FANCC: variants seen among roughly 807,000 people sequenced by gnomAD.
FANCC encodes the protein Fanconi anemia group C protein.
Under a neutral mutation model 71.3 loss-of-function variants are expected in FANCC, and 55 were observed. The observed-to-expected ratio is 0.77, with a 90% confidence interval of 0.62 to 0.97. FANCC has a LOEUF of 0.97. Among genes scored for constraint, FANCC ranks in the 50% least tolerant of loss-of-function variants. FANCC has a pLI of 0.00. For missense variants in FANCC, 678 were observed against 670.9 expected, an observed-to-expected ratio of 1.01 and a Z score of -0.12; for synonymous variants, 275 against 244.9, an observed-to-expected ratio of 1.12 and a Z score of -1.15.
At chr9:95,242,101 A>G (rs1830665124) in intron 3 of FANCC, among the ~76,000 whole-genome samples, 1 of 152,212 alleles carries the variant, frequency 6.6e-6, no homozygotes, top group Non-Finnish European at 1.5e-5. Context: ...GTGAACATAC[A>G]TAGCTTATGC....
chr9:95,223,795 G>A (rs1829435807), intron 4 of FANCC, among the ~76,000 whole-genome samples: 1 of 152,054 alleles, frequency 6.6e-6, no homozygotes, highest in African/African-American at 2.4e-5. Flanking sequence ...TGACCAACAT[G>A]GAGAAACCCC....
intron 4 of FANCC, among the ~76,000 whole-genome samples, chr9:95,208,029 G>A (rs2135851618): frequency 6.7e-6 from 1 of 148,254 alleles, no homozygotes; most frequent in South Asian, 2.2e-4. Flanking sequence ...AGAGGTAAGG[G>A]ACAGGAAAGT....
At chr9:95,253,361 C>T (rs1363109043) in intron 1 of FANCC, among the ~76,000 whole-genome samples, 1 of 151,996 alleles carries the variant, frequency 6.6e-6, no homozygotes, top group South Asian at 2.1e-4. Context: ...ACAGGTAGAA[C>T]TCAGTCATTC....
intron 6 of FANCC, among the ~76,000 whole-genome samples, chr9:95,161,289 C>T (rs559392267): frequency 6.6e-6 from 1 of 152,250 alleles, no homozygotes; most frequent in South Asian, 2.1e-4. Flanking sequence ...AGGAAGGAGG[C>T]CTGGAAGGAG....
chr9:95,167,368 G>C (rs1434254075), intron 6 of FANCC, among the ~76,000 whole-genome samples: 1 of 152,042 alleles, frequency 6.6e-6, no homozygotes, highest in Non-Finnish European at 1.5e-5. Context: ...TATTTGGGAA[G>C]TTTTCACCAT....
chr9:95,225,227 C>A (rs1420447544), intron 4 of FANCC, among the ~76,000 whole-genome samples: 1 of 152,178 alleles, frequency 6.6e-6, no homozygotes, highest in East Asian at 1.9e-4. Context: ...CAGACATCCA[C>A]ACATCCTCAC....
rs544680344 is a variant in FANCC, at chr9:95,166,310, T to C, written c.521+4769A>G. Among the ~76,000 whole-genome samples, 21 of 152,252 alleles carry C rather than the reference T, an allele frequency of 1.4e-4. No homozygotes were observed. In the South Asian group the frequency reaches 4.3e-3, roughly 32 times the overall value. The stretch of plus-strand genomic sequence containing the variant: ...TTATTCTGTTCACGATTTTCTCTTA[T>C]TCCCTTCCTTTGGGTTTCATTGATT... On this transcript the variant is annotated intron_variant, in intron 6 of 14. Coordinates refer to ENST00000289081, the MANE Select transcript of FANCC (RefSeq NM_000136.3).
intron 1 of FANCC, among the ~76,000 whole-genome samples, chr9:95,267,182 G>A (rs1231566487): frequency 3.3e-5 from 5 of 152,124 alleles, no homozygotes; most frequent in African/African-American, 4.8e-5. Flanking sequence ...AGGCACAAAC[G>A]ACAGAGTGAG....
At chr9:95,191,589 C>A (rs1284273936) in intron 4 of FANCC, among the ~76,000 whole-genome samples, 1 of 152,060 alleles carries the variant, frequency 6.6e-6, no homozygotes, top group African/African-American at 2.4e-5. Context: ...ACTAGCTTGC[C>A]TGACATCTGC....
At chr9:95,311,231 C>A (rs986171481) in intron 1 of FANCC, among the ~76,000 whole-genome samples, 1 of 89,970 alleles carries the variant, frequency 1.1e-5, no homozygotes, top group Non-Finnish European at 2.2e-5. Flanking sequence ...GAGATTCCGT[C>A]TCAAAAAAAA....
Position 95,131,593 on chromosome 9 carries a change from TA to T in FANCC, c.843+3752del, listed in dbSNP as rs551187250. Among the ~76,000 whole-genome samples, 24 of 152,314 alleles carry T rather than the reference TA, an allele frequency of 1.6e-4. 1 individual carries two copies. In the East Asian group the frequency reaches 4.4e-3, roughly 28 times the overall value. On this transcript the variant is annotated intron_variant, in intron 8 of 14. Transcript: ENST00000289081. ...CCAAGATGCAGAACCTCCCAGCTTT[TA>T]GCCATACACATCAGCCAGCACTACT...
Position 95,294,021 on chromosome 9 carries a change from A to ATCTCT in FANCC, c.-79+23504_-79+23505insAGAGA. Reference sequence around the variant, plus strand: ...AGACTTTAAATCAAGAGATTGAGAAATGTGCACCAATTATAAACTTCAGTG... The same window carrying ATCTCT: ...AGACTTTAAATCAAGAGATTGAGAAATCTCTTGTGCACCAATTATAAACTTCAGTG... On this transcript the variant is annotated intron_variant, in intron 1 of 14. Coordinates refer to ENST00000289081, the MANE Select transcript of FANCC (RefSeq NM_000136.3). 1.9e-6 allele frequency: 3 copies of ATCTCT among 1,596,224 alleles called. No individual in the cohort carries two copies. The East Asian group carries it at 6.7e-5, about 36-fold the overall frequency.
At chr9:95,302,448 G>A (rs750556075) in intron 1 of FANCC, among the ~76,000 whole-genome samples, 11 of 152,192 alleles carry the variant, frequency 7.2e-5, no homozygotes, top group Admixed American at 7.2e-4. Context: ...GGATTCTTGA[G>A]AACAGTTCCC....
chr9:95,108,782 G>GTCTT (rs1485744316), intron 13 of FANCC, among the ~76,000 whole-genome samples: 15 of 152,222 alleles, frequency 9.9e-5, no homozygotes, highest in Admixed American at 6.5e-4. Flanking sequence ...TATACTTCTT[G>GTCTT]TCTTTTTTCT....
At chr9:95,247,646 G>A in intron 2 of FANCC, 130 bp from the exon 3 acceptor site, 1 of 683,506 alleles carries the variant, frequency 1.5e-6, no homozygotes, top group Non-Finnish European at 2.6e-6. Flanking sequence ...AAGCACAAAA[G>A]GATTAGAGAA....
At position 95,176,776 on chromosome 9, in the gene FANCC, T is replaced by C. The variant is rs1234194209; in HGVS notation, c.346-4629A>G. Among the ~76,000 whole-genome samples, 6 of 152,330 alleles carry C rather than the reference T, an allele frequency of 3.9e-5. No individual in the cohort carries two copies. In the South Asian group the frequency reaches 1.0e-3, roughly 26 times the overall value. ...AACCTGGTTGAGATGGAAAGTAATG[T>C]AGTATGTAATTGAAGGAAACCAGTT... On this transcript the variant is annotated intron_variant, in intron 4 of 14. Transcript: ENST00000289081.
intron 4 of FANCC, among the ~76,000 whole-genome samples, chr9:95,192,129 G>A (rs1225534723): frequency 6.6e-6 from 1 of 152,194 alleles, no homozygotes; most frequent in African/African-American, 2.4e-5. Context: ...CACCTTGGAT[G>A]TGATATCTAA....
chr9:95,271,927 CTTTT>C lies in FANCC; in HGVS notation c.-78-22562_-78-22559del, dbSNP rs869093626. Among the ~76,000 whole-genome samples, 504 of 50,404 alleles carry C rather than the reference CTTTT, an allele frequency of 1.0e-2. 1 individual carries two copies. The highest frequency in any genetic ancestry group is 0.034 in the African/African-American group (435 of 12,892). The allele number at this position is 50,404 out of a possible 152,430, so 33.1% of individuals were successfully genotyped here. On this transcript the variant is annotated intron_variant, in intron 1 of 14. Transcript: ENST00000289081. ...TTCCATCAATCCCATCAAGCCTCTT[CTTTT>C]TTTTTTTTTTTTTTTTTTTTTTTGA...
chr9:95,228,613 C>T (rs1156548868), intron 4 of FANCC, among the ~76,000 whole-genome samples: 2 of 152,154 alleles, frequency 1.3e-5, no homozygotes, highest in Non-Finnish European at 2.9e-5. Context: ...AATGGGGAGA[C>T]AGAAAAAAAC....
Sources: gnomAD v4.1 joint callset for allele counts (sites outside exome capture counted in the v4.1 genomes callset) on GRCh38, gnomAD v4.1.1 for gene constraint, MANE v1.5 for transcripts, NCBI Gene and HGNC (gene_info 2026-07-23, HGNC 2026-07-21) for gene names.